The following PREX2 variants were observed in gnomAD, a reference collection of about 807,000 sequenced individuals.
PREX2 encodes phosphatidylinositol 3,4,5-trisphosphate-dependent Rac exchanger 2 protein.
Under a neutral mutation model 203.2 loss-of-function variants are expected in PREX2, and 107 were observed. That is an observed-to-expected ratio of 0.53 (90% CI 0.45 to 0.62). The LOEUF (loss-of-function observed/expected upper bound fraction) is 0.62. Among genes scored for constraint, PREX2 ranks in the 20% least tolerant of loss-of-function variants. The pLI, the probability that PREX2 is intolerant of heterozygous loss-of-function variation, is 0.00. For synonymous variants in PREX2, 672 were observed against 663.6 expected (o/e 1.01, Z -0.19); for missense variants, 1,777 against 1,955.9 (o/e 0.91, Z 1.72).
intron 7 of PREX2, among the ~76,000 whole-genome samples, chr8:68,040,889 A>T (rs1372558646): frequency 3.3e-5 from 5 of 152,202 alleles, no homozygotes; most frequent in Admixed American, 1.3e-4. Context: ...GCCATCATTA[A>T]TGTAAATAAT....
intron 25 of PREX2, among the ~76,000 whole-genome samples, chr8:68,114,077 G>A (rs1810591637): frequency 6.6e-6 from 1 of 152,060 alleles, no homozygotes; most frequent in Non-Finnish European, 1.5e-5. Context: ...GGCCAGGCTG[G>A]TCTCGAACTC....
At position 68,233,156 on chromosome 8, in the gene PREX2, A is replaced by G. The variant is rs539791537; in HGVS notation, c.*1778A>G. ...ACCTAACATCAGAGTTTTCAAGAAAAAGTTGAACATTTTGAATTTAATAAA... is the reference window on the plus strand; with the variant it reads ...ACCTAACATCAGAGTTTTCAAGAAAGAGTTGAACATTTTGAATTTAATAAA... On this transcript the variant is annotated 3_prime_UTR_variant, in exon 40 of 40. Transcript: ENST00000288368. The G allele has an allele frequency of 9.9e-5, 15 of 152,278 alleles. No individual in the cohort carries two copies. Among genetic ancestry groups the G allele is most frequent in the African/African-American group, 3.6e-4 (15 of 41,558 alleles). 9.4% of individuals were successfully genotyped at this position (152,278 alleles called of 1,614,324 possible).
rs577627790 is a variant in PREX2 at position 68,225,815 on chromosome 8, A to G, written c.4775+1189A>G. On this transcript the variant is annotated intron_variant, in intron 39 of 39. Transcript: ENST00000288368. Reference sequence around the variant, plus strand: ...GCTAAAGGATTATTTTTACATACGCATTCTCCATCCAGCACCTTGGGAAGC... The same window carrying G: ...GCTAAAGGATTATTTTTACATACGCGTTCTCCATCCAGCACCTTGGGAAGC... 1.4e-3 allele frequency among the ~76,000 whole-genome samples: 215 copies of G among 152,326 alleles called. 2 individuals carry two copies. The highest frequency in any genetic ancestry group is 4.9e-3 in the African/African-American group (204 of 41,576).
At chr8:68,173,723 A>G (rs560024900) in intron 35 of PREX2, among the ~76,000 whole-genome samples, 48 of 152,258 alleles carry the variant, frequency 3.2e-4, no homozygotes, top group African/African-American at 9.9e-4. Context: ...ATTTTTAAGG[A>G]TGAATAGATA....
intron 9 of PREX2, among the ~76,000 whole-genome samples, chr8:68,054,252 ATGAC>A (rs574417711): frequency 1.3e-3 from 194 of 152,342 alleles, no homozygotes; most frequent in Non-Finnish European, 2.3e-3. Flanking sequence ...TTATGAATAT[ATGAC>A]TGACTAAGTT....
At chr8:68,158,140 C>T (rs539418436) in intron 35 of PREX2, among the ~76,000 whole-genome samples, 2 of 147,718 alleles carry the variant, frequency 1.4e-5, no homozygotes, top group Admixed American at 6.8e-5. Context: ...TATATACACA[C>T]ATATATGAAT....
intron 37 of PREX2, among the ~76,000 whole-genome samples, chr8:68,207,222 A>G (rs900951774): frequency 1.3e-5 from 2 of 152,206 alleles, no homozygotes; most frequent in African/African-American, 4.8e-5. Flanking sequence ...TAAAATCCAG[A>G]GAAAGGGAAA....
chr8:68,082,904 TA>T (rs545512719), intron 17 of PREX2: 15 of 176,458 alleles, frequency 8.5e-5, no homozygotes, highest in East Asian at 7.1e-4. Context: ...GAAAACACAG[TA>T]AAAAAAATTA....
chr8:68,069,144 C>T lies in PREX2; in HGVS notation c.1443+8C>T, dbSNP rs750709593. 5 of 1,373,048 alleles carry T rather than the reference C, an allele frequency of 3.6e-6. No individual in the cohort carries two copies. In the East Asian group the frequency reaches 7.3e-5, roughly 20 times the overall value. The allele number at this position is 1,373,048 out of a possible 1,614,324, so 85.1% of individuals were successfully genotyped here. On this transcript the variant is annotated splice_region_variant and intron_variant, in intron 12 of 39. Transcript: ENST00000288368. ...CAGGACGTGATTTCAAAGGTAACGACCTCTCCCACAACCTCTCCAATAGTA... is the reference window on the plus strand; with the variant it reads ...CAGGACGTGATTTCAAAGGTAACGATCTCTCCCACAACCTCTCCAATAGTA...
intron 1 of PREX2, among the ~76,000 whole-genome samples, chr8:67,976,329 T>C (rs995228026): frequency 6.6e-6 from 1 of 151,940 alleles, no homozygotes; most frequent in African/African-American, 2.4e-5. Context: ...CAACTTGCTG[T>C]GAGATGCCTC....
chr8:68,152,326 T>C (rs943719225), intron 34 of PREX2, among the ~76,000 whole-genome samples: 2 of 151,090 alleles, frequency 1.3e-5, no homozygotes, highest in East Asian at 2.0e-4. Context: ...ATCTTTTAGT[T>C]TTCCATTTGG....
rs1227344967 is a variant in PREX2 at position 68,157,858 on chromosome 8, T to C, written c.4346+422T>C. ...TATGTGTTCAGCATGGAAGATATGATTGATCATGTGCTTGGTATTGGAAAA... is the reference window on the plus strand; with the variant it reads ...TATGTGTTCAGCATGGAAGATATGACTGATCATGTGCTTGGTATTGGAAAA... On this transcript the variant is annotated intron_variant, in intron 35 of 39. Coordinates refer to ENST00000288368, the MANE Select transcript of PREX2 (RefSeq NM_024870.4). Among the ~76,000 whole-genome samples the C allele has an allele frequency of 4.6e-5, 7 of 152,132 alleles. No individual in the cohort carries two copies. In the East Asian group the frequency reaches 1.4e-3, roughly 30 times the overall value.
intron 1 of PREX2, among the ~76,000 whole-genome samples, chr8:67,965,727 G>A (rs551278681): frequency 3.3e-5 from 5 of 152,232 alleles, no homozygotes; most frequent in African/African-American, 1.2e-4. Context: ...ATAGAGGAGG[G>A]AGAGTAAACG....
intron 1 of PREX2, among the ~76,000 whole-genome samples, chr8:67,974,420 T>TA (rs148180051): frequency 0.37 from 55,605 of 151,726 alleles, 10,417 homozygotes; most frequent in East Asian, 0.6. Context: ...TTGATGAACA[T>TA]TCTTCATGTT....
chr8:68,154,101 G>C (rs1811494823), intron 34 of PREX2, among the ~76,000 whole-genome samples: 1 of 152,168 alleles, frequency 6.6e-6, no homozygotes. Context: ...TTCCACTGCT[G>C]TGCCATCCCA....
chr8:67,993,355 T>C (rs1280528099), intron 1 of PREX2, among the ~76,000 whole-genome samples: 1 of 152,094 alleles, frequency 6.6e-6, no homozygotes, highest in Admixed American at 6.5e-5. Context: ...GAGAGAATAC[T>C]ATGTCTTGCA....
At position 68,030,532 on chromosome 8, in the gene PREX2, C is replaced by A. The variant is rs773741156; in HGVS notation, c.579C>A (p.Asp193Glu). The A allele has an allele frequency of 1.9e-6, 3 of 1,613,308 alleles. No homozygotes were observed. The East Asian group carries it at 6.7e-5, about 36-fold the overall frequency. ...LLKRTPRKHS[D>E]YAAVMEALQA... ...AGCGGACTCCACGGAAACACAGTGA[C>A]TATGCAGCAGTGATGGAAGCCCTCC... Residue 193 changes from aspartate to glutamate, a missense_variant, in exon 6 of 40, where the codon GAC (aspartate) becomes GAA (glutamate). Coordinates refer to ENST00000288368, the MANE Select transcript of PREX2 (RefSeq NM_024870.4).
intron 38 of PREX2, among the ~76,000 whole-genome samples, chr8:68,219,070 C>T (rs558610449): frequency 2.4e-4 from 36 of 152,274 alleles, no homozygotes; most frequent in Admixed American, 4.6e-4. Context: ...AATTGCCTTT[C>T]TGTTTGATTA....
rs1290202322 is a variant in PREX2, at chr8:67,952,467, G to C, written c.73G>C (p.Val25Leu). ...KDLEKQLRLR[V>L]CVLSELQKTE... ...CCTGGAGAAGCAGCTTCGCCTGCGC[G>C]TGTGCGTGCTCAGCGAGCTCCAGAA... is the stretch of plus-strand genomic sequence containing the variant. The change falls in exon 1 of 40, where the codon GTG becomes CTG. Residue 25 changes from valine to leucine, a missense_variant. By Grantham distance (32) the Val-to-Leu change is conservative. Transcript: ENST00000288368. 1.9e-6 allele frequency: 3 copies of C among 1,603,404 alleles called. No homozygotes were observed. The highest frequency in any genetic ancestry group is 2.6e-6 in the Non-Finnish European group (3 of 1,175,392).
Sources: allele counts gnomAD v4.1 joint callset (sites outside exome capture counted in the v4.1 genomes callset), GRCh38; gene constraint gnomAD v4.1.1; transcripts MANE v1.5; gene names NCBI Gene and HGNC (gene_info 2026-07-23, HGNC 2026-07-21).